SERPINB11: variants seen among roughly 807,000 people sequenced by gnomAD.
The protein encoded by SERPINB11 is serpin B11.
SERPINB11 carries 32 observed loss-of-function variants against 36.7 expected under a neutral mutation model. That is an observed-to-expected ratio of 0.87 (90% CI 0.66 to 1.17). The LOEUF (loss-of-function observed/expected upper bound fraction) is 1.17, where lower values mean the gene tolerates loss of function less well. Among genes scored for constraint, SERPINB11 ranks in the 50% most tolerant of loss-of-function variants. SERPINB11 has a pLI of 0.00. For synonymous variants in SERPINB11, 174 were observed against 168.1 expected, an observed-to-expected ratio of 1.04 and a Z score of -0.27; for missense variants, 528 against 458.4, an observed-to-expected ratio of 1.15 and a Z score of -1.39.
At chr18:63,709,883 T>C (rs1914472407) in intron 1 of SERPINB11, among the ~76,000 whole-genome samples, 1 of 152,208 alleles carries the variant, frequency 6.6e-6, no homozygotes, top group Non-Finnish European at 1.5e-5. Flanking sequence ...CAATTCCTTT[T>C]AATCTTTTGC....
chr18:63,710,289 G>A lies in SERPINB11; in HGVS notation c.96G>A (p.Ser32=), dbSNP rs758965113. The A allele has an allele frequency of 4.0e-5, 64 of 1,613,712 alleles. No homozygotes were observed. Among genetic ancestry groups the A allele is most frequent in the Non-Finnish European group, 4.9e-5 (58 of 1,179,766 alleles). ...NNIGDNIFFS[S]LSLLYALSMV... The stretch of plus-strand genomic sequence containing the variant: ...TAGGAGATAACATCTTCTTTTCTTC[G>A]CTGAGTCTGCTTTATGCTCTAAGCA... Residue 32 remains serine (S), a synonymous_variant, in exon 2 of 8, where the codon TCG becomes TCA. Transcript: ENST00000544088.
intron 5 of SERPINB11, among the ~76,000 whole-genome samples, chr18:63,716,828 C>T (rs1598965824): frequency 2.0e-5 from 3 of 151,712 alleles, no homozygotes; most frequent in African/African-American, 7.3e-5. Flanking sequence ...AACCAAATAA[C>T]ATTGACATAT....
chr18:63,709,539 A>T (rs1914460762), intron 1 of SERPINB11, among the ~76,000 whole-genome samples: 1 of 152,012 alleles, frequency 6.6e-6, no homozygotes, highest in Admixed American at 6.6e-5. Context: ...TGAACCCAGG[A>T]GGCGGAGCTT....
In SERPINB11 at chr18:63,712,557, T is replaced by C. The variant is rs367755930; in HGVS notation, c.229-8T>C. On this transcript the variant is annotated splice_polypyrimidine_tract_variant and splice_region_variant and intron_variant, in intron 3 of 7. Coordinates refer to ENST00000544088, the MANE Select transcript of SERPINB11 (RefSeq NM_001370475.1). Reference sequence around the variant, plus strand: ...TAATACATCATTCTTTGTTTACTGATGCTTCAGTGCAGCCAAGCTGGAAGA... The same window carrying C: ...TAATACATCATTCTTTGTTTACTGACGCTTCAGTGCAGCCAAGCTGGAAGA... 7.4e-6 allele frequency: 12 copies of C among 1,613,550 alleles called. No individual in the cohort carries two copies. Among genetic ancestry groups the C allele is most frequent in the African/African-American group, 6.7e-5 (5 of 74,934 alleles).
In SERPINB11 at chr18:63,723,299, C is replaced by A; in HGVS notation, c.1079C>A (p.Pro360Gln). The change falls in exon 8 of 8, where the codon CCA (proline) becomes CAA (glutamine). Residue 360 changes from proline to glutamine, a missense_variant. Transcript: ENST00000544088. The part of the protein sequence containing the change: ...TGDSIAVKSL[P>Q]MRAQFKANHP... Reference sequence around the variant, plus strand: ...GACAGCATCGCTGTAAAAAGCCTACCAATGAGAGCTCAGTTCAAGGCGAAC... The same window carrying A: ...GACAGCATCGCTGTAAAAAGCCTACAAATGAGAGCTCAGTTCAAGGCGAAC... 2 of 1,613,946 alleles carry A rather than the reference C, an allele frequency of 1.2e-6. No homozygotes were observed. The highest frequency in any genetic ancestry group is 1.7e-6 in the Non-Finnish European group (2 of 1,179,868).
In SERPINB11 at chr18:63,722,879, G is replaced by A. The variant is rs921989695; in HGVS notation, c.775-116G>A. On this transcript the variant is annotated intron_variant, in intron 7 of 7. Transcript: ENST00000544088. ...TCCCAGGTAAGTAGACTGTATTAAA[G>A]GTAGAAAAAGTGATGAAGTTGAACC... The A allele has an allele frequency of 1.8e-4, 188 of 1,049,726 alleles. 4 individuals are homozygous for A. Among genetic ancestry groups the A allele is most frequent in the East Asian group, 1.6e-4 (6 of 37,806 alleles). The allele number at this position is 1,049,726 out of a possible 1,614,324, so 65.0% of individuals were successfully genotyped here. A position where few individuals can be genotyped will look rare whatever the true frequency, so the allele number is the denominator to read the frequency against.
At chr18:63,715,640 A>G (rs1321370925) in intron 4 of SERPINB11, among the ~76,000 whole-genome samples, 1 of 152,184 alleles carries the variant, frequency 6.6e-6, no homozygotes, top group Non-Finnish European at 1.5e-5. Context: ...AAAGCAAGTC[A>G]CTTAACCACT....
At chr18:63,706,699 C>A (rs1374850681) in intron 1 of SERPINB11, among the ~76,000 whole-genome samples, 1 of 152,072 alleles carries the variant, frequency 6.6e-6, no homozygotes, top group African/African-American at 2.4e-5. Context: ...CTTTTAGCTG[C>A]AAGTAACAGA....
At chr18:63,712,727 C>G in intron 4 of SERPINB11, 34 bp downstream of exon 4, 1 of 1,599,420 alleles carries the variant, frequency 6.3e-7, no homozygotes, top group Non-Finnish European at 8.5e-7. Flanking sequence ...CAACAACTTT[C>G]TTGGCGTCCT....
intron 4 of SERPINB11, among the ~76,000 whole-genome samples, chr18:63,714,599 AG>A (rs1478637502): frequency 6.6e-6 from 1 of 151,482 alleles, no homozygotes; most frequent in Middle Eastern, 3.2e-3. Context: ...TTCCTTGCTG[AG>A]AAAAAGAATT....
intron 6 of SERPINB11, 114 bp from the exon 7 acceptor site, chr18:63,720,717 T>C: frequency 1.4e-6 from 1 of 705,480 alleles, no homozygotes; most frequent in Non-Finnish European, 2.3e-6. Context: ...TAGTTTCTAT[T>C]TTACCCATGC....
At position 63,717,920 on chromosome 18, in the gene SERPINB11, T is replaced by A. The variant is rs1247309118; in HGVS notation, c.475+1768T>A. Among the ~76,000 whole-genome samples the A allele has an allele frequency of 2.0e-5, 3 of 152,056 alleles. No individual in the cohort carries two copies. In the East Asian group the frequency reaches 5.8e-4, roughly 29 times the overall value. On this transcript the variant is annotated intron_variant, in intron 5 of 7. Coordinates refer to ENST00000544088, the MANE Select transcript of SERPINB11 (RefSeq NM_001370475.1). The stretch of plus-strand genomic sequence containing the variant: ...TTAAAGAAATCTTGTCGTGAAAGTA[T>A]TTTCTAGTTTGTGAAAATATTTTCG...
intron 2 of SERPINB11, 145 bp from the exon 3 acceptor site, chr18:63,711,190 G>T (rs1319078846): frequency 3.0e-6 from 2 of 660,532 alleles, no homozygotes; most frequent in African/African-American, 1.8e-5. Context: ...TAAAGACTTA[G>T]TTCAGGACTT....
In SERPINB11 at chr18:63,720,174, G is replaced by A. The variant is rs756064878; in HGVS notation, c.618+19G>A. ...AAGTGAGGTAAGTATTTTATTTTCAGACTCATGACAAATGTTGGAGGATAC... is the reference window on the plus strand; with the variant it reads ...AAGTGAGGTAAGTATTTTATTTTCAAACTCATGACAAATGTTGGAGGATAC... On this transcript the variant is annotated intron_variant, in intron 6 of 7. Coordinates refer to ENST00000544088, the MANE Select transcript of SERPINB11 (RefSeq NM_001370475.1). 42 of 1,580,828 alleles carry A rather than the reference G, an allele frequency of 2.7e-5. No homozygotes were observed. Among genetic ancestry groups the A allele is most frequent in the Non-Finnish European group, 3.6e-5 (41 of 1,154,842 alleles).
In SERPINB11 at chr18:63,712,586, C is replaced by T; in HGVS notation, c.250C>T (p.His84Tyr). ...SPKCSQAGRIHSEFGVEFSQI... is the reference protein window; with the variant it reads ...SPKCSQAGRIYSEFGVEFSQI... ...TCAGTGCAGCCAAGCTGGAAGAATT[C>T]ATTCCGAGTTTGGTGTCGAATTCTC... Residue 84 changes from histidine (H) to tyrosine (Y), a missense_variant, in exon 4 of 8, where the codon CAT (histidine) becomes TAT (tyrosine). By Grantham distance (83) the His-to-Tyr change is moderately conservative. Transcript: ENST00000544088. 1 of 1,613,738 alleles carries T rather than the reference C, an allele frequency of 6.2e-7. No homozygotes were observed. Among genetic ancestry groups the T allele is most frequent in the Non-Finnish European group, 8.5e-7 (1 of 1,179,678 alleles).
At chr18:63,706,887 T>TCTTGTG (rs1914386047) in intron 1 of SERPINB11, among the ~76,000 whole-genome samples, 1 of 152,166 alleles carries the variant, frequency 6.6e-6, no homozygotes, top group Non-Finnish European at 1.5e-5. Flanking sequence ...TTAGACTAGC[T>TCTTGTG]ACCTCACGGA....
In SERPINB11 at chr18:63,723,276, C is replaced by T. The variant is rs745885745; in HGVS notation, c.1056C>T (p.Asp352=). 1 of 1,613,990 alleles carries T rather than the reference C, an allele frequency of 6.2e-7. No individual in the cohort carries two copies. The highest frequency in any genetic ancestry group is 8.5e-7 in the Non-Finnish European group (1 of 1,179,880). Residue 352 remains aspartate, a synonymous_variant, in exon 8 of 8, where the codon GAC becomes GAT. Coordinates refer to ENST00000544088, the MANE Select transcript of SERPINB11 (RefSeq NM_001370475.1). ...EGTEAAAATG[D]SIAVKSLPMR... is the part of the protein sequence containing the mutation. ...CGGAGGCAGCAGCAGCCACTGGGGACAGCATCGCTGTAAAAAGCCTACCAA... is the reference window on the plus strand; with the variant it reads ...CGGAGGCAGCAGCAGCCACTGGGGATAGCATCGCTGTAAAAAGCCTACCAA...
In SERPINB11 at chr18:63,710,367, G is replaced by A; in HGVS notation, c.168+6G>A. On this transcript the variant is annotated splice_donor_region_variant and intron_variant, in intron 2 of 7. Transcript: ENST00000544088. ...CTGAAGAGCAATTGGAGAAGGTATG[G>A]AATTCCTCAGAGGTTTGTTCAGAAC... 1.2e-6 allele frequency: 2 copies of A among 1,607,566 alleles called. No individual in the cohort carries two copies. The highest frequency in any genetic ancestry group is 1.7e-6 in the Non-Finnish European group (2 of 1,177,172).
chr18:63,709,077 T>C (rs1568183370), intron 1 of SERPINB11, among the ~76,000 whole-genome samples: 1 of 152,248 alleles, frequency 6.6e-6, no homozygotes, highest in Non-Finnish European at 1.5e-5. Context: ...CAAACAATGT[T>C]TGTGGAACTG....
Sources: allele counts gnomAD v4.1 joint callset (sites outside exome capture counted in the v4.1 genomes callset), GRCh38; gene constraint gnomAD v4.1.1; transcripts MANE v1.5; gene names NCBI Gene and HGNC (gene_info 2026-07-23, HGNC 2026-07-21).